MACROD2: variants seen among roughly 807,000 people sequenced by gnomAD.
MACROD2 encodes the protein ADP-ribose glycohydrolase MACROD2.
In MACROD2, 36 loss-of-function variants were observed where a neutral mutation model predicts 70.4. That is an observed-to-expected ratio of 0.51 (90% CI 0.39 to 0.68). The LOEUF (loss-of-function observed/expected upper bound fraction) is 0.68. Ranked by LOEUF, MACROD2 falls within the 30% of genes least tolerant of loss-of-function variation. The probability of loss-of-function intolerance (pLI) is 0.00; values close to 1 mark genes in which losing one functional copy is unlikely to be tolerated. For missense variants in MACROD2, 496 were observed against 538.4 expected, an observed-to-expected ratio of 0.92 and a Z score of 0.78; for synonymous variants, 172 against 178.8, an observed-to-expected ratio of 0.96 and a Z score of 0.30.
At chr20:15,105,447 G>T (rs747221977) in intron 5 of MACROD2, among the ~76,000 whole-genome samples, 6 of 152,108 alleles carry the variant, frequency 3.9e-5, no homozygotes, top group South Asian at 2.1e-4. Flanking sequence ...CTTGAAGAGG[G>T]TATTGAATTC....
intron 8 of MACROD2, among the ~76,000 whole-genome samples, chr20:15,824,732 A>T (rs1255070138): frequency 6.6e-6 from 1 of 152,148 alleles, no homozygotes; most frequent in Non-Finnish European, 1.5e-5. Flanking sequence ...CCATTAAGAG[A>T]CACTGTCCAT....
intron 3 of MACROD2, among the ~76,000 whole-genome samples, chr20:14,149,324 C>A (rs1474307846): frequency 6.6e-6 from 1 of 151,836 alleles, no homozygotes; most frequent in African/African-American, 2.4e-5. Context: ...CTTCAAAGAA[C>A]GTGATTTCAT....
intron 5 of MACROD2, among the ~76,000 whole-genome samples, chr20:15,048,723 T>C (rs2075415328): frequency 6.6e-6 from 1 of 152,136 alleles, no homozygotes; most frequent in Non-Finnish European, 1.5e-5. Context: ...ATTTTAAACA[T>C]AATTTATGCT....
intron 8 of MACROD2, among the ~76,000 whole-genome samples, chr20:15,543,168 G>A (rs1165482834): frequency 6.6e-6 from 1 of 152,166 alleles, no homozygotes; most frequent in Non-Finnish European, 1.5e-5. Context: ...GAATGATGAT[G>A]GGAAGTATAG....
In MACROD2 at chr20:14,706,602, G is replaced by A. The variant is rs533158223; in HGVS notation, c.418+21643G>A. On this transcript the variant is annotated intron_variant, in intron 5 of 17. Coordinates refer to ENST00000684519, the MANE Select transcript of MACROD2 (RefSeq NM_001351661.2). ...AACCTGTCTAGTGAGTACTGATTTT[G>A]TAGAATACTTCCCCAAAAGCTGATT... is the stretch of plus-strand genomic sequence containing the variant. Among the ~76,000 whole-genome samples the A allele has an allele frequency of 4.6e-5, 7 of 152,160 alleles. No homozygotes were observed. In the South Asian group the frequency reaches 1.5e-3, roughly 32 times the overall value.
At chr20:14,897,058 A>G (rs771701842) in intron 5 of MACROD2, among the ~76,000 whole-genome samples, 3 of 152,190 alleles carry the variant, frequency 2.0e-5, no homozygotes, top group Non-Finnish European at 4.4e-5. Flanking sequence ...CAGTAGACTA[A>G]CCACAGAGCC....
At chr20:15,880,714 C>G (rs2064742700) in intron 9 of MACROD2, among the ~76,000 whole-genome samples, 1 of 151,980 alleles carries the variant, frequency 6.6e-6, no homozygotes, top group Non-Finnish European at 1.5e-5. Flanking sequence ...TGTTAATTCT[C>G]TAGTATTACT....
intron 3 of MACROD2, among the ~76,000 whole-genome samples, chr20:14,442,308 C>T (rs2084132908): frequency 6.6e-6 from 1 of 151,862 alleles, no homozygotes; most frequent in South Asian, 2.1e-4. Flanking sequence ...AATGAAATAC[C>T]TGGAAAAATT....
Position 15,510,840 on chromosome 20 carries a change from G to A in MACROD2, c.645+10993G>A, listed in dbSNP as rs147761401. 2.6e-5 allele frequency among the ~76,000 whole-genome samples: 4 copies of A among 152,334 alleles called. No homozygotes were observed. The East Asian group carries it at 7.7e-4, about 29-fold the overall frequency. ...TGGCTAACGTGCTGTCCTGCAATCA[G>A]TTATGTCGTCTACATTTCTATTTAT... On this transcript the variant is annotated intron_variant, in intron 8 of 17. Coordinates refer to ENST00000684519, the MANE Select transcript of MACROD2 (RefSeq NM_001351661.2).
At chr20:14,635,012 G>A (rs1301926387) in intron 4 of MACROD2, among the ~76,000 whole-genome samples, 2 of 152,160 alleles carry the variant, frequency 1.3e-5, no homozygotes, top group African/African-American at 2.4e-5. Flanking sequence ...ACAGTCCCCT[G>A]ATGAATATTT....
chr20:14,834,164 G>C (rs375484197), intron 5 of MACROD2, among the ~76,000 whole-genome samples: 47 of 151,394 alleles, frequency 3.1e-4, no homozygotes, highest in African/African-American at 9.2e-4. Context: ...ACTGTTTAAA[G>C]GTTAGGAATA....
intron 6 of MACROD2, among the ~76,000 whole-genome samples, chr20:15,291,030 G>C (rs952314007): frequency 1.3e-5 from 2 of 152,168 alleles, no homozygotes; most frequent in Non-Finnish European, 2.9e-5. Flanking sequence ...GTAGGAGAAA[G>C]AAGCAATTGC....
At chr20:15,858,643 G>A (rs908509029) in intron 8 of MACROD2, among the ~76,000 whole-genome samples, 5 of 152,258 alleles carry the variant, frequency 3.3e-5, no homozygotes, top group South Asian at 2.1e-4. Context: ...CCTGTTTCCC[G>A]CTGGTGTGAC....
At chr20:14,455,451 C>G (rs1344999131) in intron 3 of MACROD2, among the ~76,000 whole-genome samples, 2 of 151,866 alleles carry the variant, frequency 1.3e-5, no homozygotes, top group African/African-American at 4.9e-5. Flanking sequence ...TCTTTGTAAG[C>G]CTCTCATTGG....
chr20:15,610,152 A>G (rs2048946948), intron 8 of MACROD2, among the ~76,000 whole-genome samples: 1 of 152,238 alleles, frequency 6.6e-6, no homozygotes, highest in African/African-American at 2.4e-5. Flanking sequence ...AAGTGGGTAG[A>G]TTGAACTTCC....
intron 5 of MACROD2, among the ~76,000 whole-genome samples, chr20:14,831,807 A>AAT (rs2072970635): frequency 2.1e-5 from 3 of 145,796 alleles, no homozygotes; most frequent in Non-Finnish European, 4.5e-5. Context: ...AAAAAAAAAA[A>AAT]GCAACAACAC....
At chr20:15,482,876 G>T (rs533008192) in intron 7 of MACROD2, among the ~76,000 whole-genome samples, 3 of 152,226 alleles carry the variant, frequency 2.0e-5, no homozygotes, top group South Asian at 2.1e-4. Flanking sequence ...CTTTGGTGGG[G>T]TGTTTGTTGA....
chr20:14,076,338 A>G (rs988064011), intron 2 of MACROD2, among the ~76,000 whole-genome samples: 1 of 152,126 alleles, frequency 6.6e-6, no homozygotes, highest in Non-Finnish European at 1.5e-5. Flanking sequence ...AAATGTGGAA[A>G]CTAACCCAAA....
chr20:14,168,682 T>C (rs2081192688), intron 3 of MACROD2, among the ~76,000 whole-genome samples: 1 of 152,140 alleles, frequency 6.6e-6, no homozygotes, highest in African/African-American at 2.4e-5. Flanking sequence ...TACAGGATAG[T>C]TTCACTGCCC....
Sources: gnomAD v4.1 joint callset for allele counts (sites outside exome capture counted in the v4.1 genomes callset) on GRCh38, gnomAD v4.1.1 for gene constraint, MANE v1.5 for transcripts, NCBI Gene and HGNC (gene_info 2026-07-23, HGNC 2026-07-21) for gene names.